The following ASTN2 variants were observed in gnomAD, a reference collection of about 807,000 sequenced individuals.
ASTN2 encodes the protein astrotactin 2.
Under a neutral mutation model 139.8 loss-of-function variants are expected in ASTN2, and 54 were observed. The ratio of observed to expected loss-of-function variants is 0.39; its 90% CI spans 0.31 to 0.48. The LOEUF is 0.48. Ranked by LOEUF, ASTN2 falls within the 20% of genes least tolerant of loss-of-function variation. The probability of loss-of-function intolerance (pLI) is 0.95; values close to 1 mark genes in which losing one functional copy is unlikely to be tolerated. For missense variants in ASTN2, 1,565 were observed against 1,725.1 expected (o/e 0.91, Z 1.64); for synonymous variants, 756 against 719.5 (o/e 1.05, Z -0.81).
chr9:116,505,881 G>A (rs981001267), intron 19 of ASTN2, among the ~76,000 whole-genome samples: 1 of 152,086 alleles, frequency 6.6e-6, no homozygotes, highest in African/African-American at 2.4e-5. Flanking sequence ...TCTACATTCA[G>A]CTAGCCACAT....
chr9:116,517,081 C>T (rs1297054528), intron 19 of ASTN2, among the ~76,000 whole-genome samples: 1 of 152,220 alleles, frequency 6.6e-6, no homozygotes, highest in East Asian at 1.9e-4. Context: ...AGCTCTATGG[C>T]CCTGCCTACC....
At chr9:116,479,114 G>A (rs2119047697) in intron 20 of ASTN2, among the ~76,000 whole-genome samples, 1 of 151,952 alleles carries the variant, frequency 6.6e-6, no homozygotes, top group South Asian at 2.1e-4. Flanking sequence ...CCTCCAAAGT[G>A]GAAGCCACTT....
intron 1 of ASTN2, among the ~76,000 whole-genome samples, chr9:117,408,620 TCA>T (rs1831074779): frequency 6.6e-6 from 1 of 152,134 alleles, no homozygotes; most frequent in African/African-American, 2.4e-5. Context: ...CAAATTAAAA[TCA>T]CAGAGTAATT....
At chr9:117,162,907 C>T (rs1830585004) in intron 3 of ASTN2, among the ~76,000 whole-genome samples, 1 of 151,890 alleles carries the variant, frequency 6.6e-6, no homozygotes, top group East Asian at 2.0e-4. Flanking sequence ...CATCCAAACA[C>T]ATTAAAGAAA....
intron 2 of ASTN2, among the ~76,000 whole-genome samples, chr9:117,279,442 A>G (rs928744880): frequency 1.3e-5 from 2 of 152,202 alleles, no homozygotes; most frequent in Non-Finnish European, 2.9e-5. Context: ...TAGAGTTTGC[A>G]TATTTACCAA....
intron 1 of ASTN2, among the ~76,000 whole-genome samples, chr9:117,309,161 A>C (rs149022289): frequency 4.9e-4 from 74 of 152,366 alleles, no homozygotes; most frequent in Non-Finnish European, 8.8e-4. Context: ...CAGACACTAC[A>C]TGAAAATCAC....
chr9:116,750,583 T>C (rs1829372452), intron 13 of ASTN2, among the ~76,000 whole-genome samples: 1 of 152,166 alleles, frequency 6.6e-6, no homozygotes, highest in African/African-American at 2.4e-5. Flanking sequence ...CTCTCTCTTT[T>C]ATTAGTCATT....
At chr9:117,209,416 G>C (rs1367905096) in intron 3 of ASTN2, among the ~76,000 whole-genome samples, 2 of 152,028 alleles carry the variant, frequency 1.3e-5, no homozygotes, top group African/African-American at 4.8e-5. Flanking sequence ...AATTATATCA[G>C]ACTAAACAGG....
chr9:117,187,629 T>C (rs1831235268), intron 3 of ASTN2, among the ~76,000 whole-genome samples: 1 of 152,160 alleles, frequency 6.6e-6, no homozygotes, highest in African/African-American at 2.4e-5. Flanking sequence ...TGGCTGTCTG[T>C]CACGAGTCTC....
intron 19 of ASTN2, among the ~76,000 whole-genome samples, chr9:116,576,561 G>A (rs767165055): frequency 1.4e-4 from 22 of 152,174 alleles, no homozygotes; most frequent in Non-Finnish European, 4.4e-5. Flanking sequence ...GAGCATGAGA[G>A]GATGCTAGGC....
chr9:116,666,638 CTT>C (rs1858879499), intron 16 of ASTN2, among the ~76,000 whole-genome samples: 1 of 151,860 alleles, frequency 6.6e-6, no homozygotes, highest in Non-Finnish European at 1.5e-5. Context: ...CTTTTATAGT[CTT>C]TTGTATTTTA....
intron 2 of ASTN2, among the ~76,000 whole-genome samples, chr9:117,267,099 C>T (rs1035753904): frequency 6.6e-6 from 1 of 152,196 alleles, no homozygotes; most frequent in Non-Finnish European, 1.5e-5. Context: ...AAGAGCACTT[C>T]ATCTTTGTGG....
At chr9:116,584,934 GACA>G (rs889949111) in intron 19 of ASTN2, 1 of 152,196 alleles carries the variant, frequency 6.6e-6, no homozygotes, top group African/African-American at 2.4e-5. Context: ...GGTACTCCAA[GACA>G]AAGAATGGAG....
chr9:117,208,628 C>T (rs1332308506), intron 3 of ASTN2, among the ~76,000 whole-genome samples: 2 of 152,068 alleles, frequency 1.3e-5, no homozygotes, highest in Non-Finnish European at 2.9e-5. Context: ...AGATGGACAT[C>T]AAGGTCCAGG....
intron 10 of ASTN2, among the ~76,000 whole-genome samples, chr9:116,953,077 T>A (rs1020945303): frequency 7.9e-5 from 12 of 152,222 alleles, no homozygotes; most frequent in Admixed American, 7.2e-4. Context: ...ACCCAATAGA[T>A]CTGCAAATGT....
At chr9:117,120,016 G>GTATATA (rs1385401943) in intron 4 of ASTN2, among the ~76,000 whole-genome samples, 15 of 33,838 alleles carry the variant, frequency 4.4e-4, no homozygotes, top group Non-Finnish European at 8.0e-4. Context: ...GTGTGTGTGT[G>GTATATA]TGTATATATA....
chr9:116,533,822 C>A (rs1313865750), intron 19 of ASTN2, among the ~76,000 whole-genome samples: 1 of 152,056 alleles, frequency 6.6e-6, no homozygotes, highest in Non-Finnish European at 1.5e-5. Flanking sequence ...CTAAAATTCT[C>A]TTTTTTTGTT....
chr9:116,490,767 A>G (rs1193412706), intron 19 of ASTN2, among the ~76,000 whole-genome samples: 2 of 152,146 alleles, frequency 1.3e-5, no homozygotes, highest in African/African-American at 4.8e-5. Context: ...AACCACCCCC[A>G]TAATCTAATC....
At chr9:117,007,779 C>G (rs1452924608) in intron 7 of ASTN2, among the ~76,000 whole-genome samples, 1 of 152,064 alleles carries the variant, frequency 6.6e-6, no homozygotes, top group Non-Finnish European at 1.5e-5. Context: ...TGCTCAAGAT[C>G]ACCCAGCTAG....
Sources: gnomAD v4.1 joint callset for allele counts (sites outside exome capture counted in the v4.1 genomes callset) on GRCh38, gnomAD v4.1.1 for gene constraint, MANE v1.5 for transcripts, NCBI Gene and HGNC (gene_info 2026-07-23, HGNC 2026-07-21) for gene names.